Variants in POLR3A observed in about 807,000 individuals in gnomAD.
The protein encoded by POLR3A is RNA polymerase III subunit A, also known as DNA-directed RNA polymerase III subunit RPC1.
In POLR3A, 112 loss-of-function variants were observed where a neutral mutation model predicts 152.8. The observed-to-expected ratio is 0.73, with a 90% CI of 0.63 to 0.86. The LOEUF (loss-of-function observed/expected upper bound fraction) is 0.86, where lower values mean the gene tolerates loss of function less well. Ranked by LOEUF, POLR3A falls within the 40% of genes least tolerant of loss-of-function variation. The pLI, the probability that POLR3A is intolerant of heterozygous loss-of-function variation, is 0.00. For missense variants in POLR3A, 1,385 were observed against 1,743.1 expected, an observed-to-expected ratio of 0.79 and a Z score of 3.66; for synonymous variants, 615 against 652.1, an observed-to-expected ratio of 0.94 and a Z score of 0.87.
At chr10:78,026,827 C>T (rs1173159847) in intron 1 of POLR3A, among the ~76,000 whole-genome samples, 3 of 152,204 alleles carry the variant, frequency 2.0e-5, no homozygotes, top group Non-Finnish European at 4.4e-5. Flanking sequence ...TAGACACCTC[C>T]TCCTGGACAG....
At chr10:77,986,781 A>G (rs186594875) in intron 21 of POLR3A, among the ~76,000 whole-genome samples, 156 of 152,264 alleles carry the variant, frequency 1.0e-3, no homozygotes, top group African/African-American at 3.7e-3. Flanking sequence ...ATTCCTGGAA[A>G]CCATTGTCAA....
In POLR3A at chr10:77,986,135, C is replaced by A; in HGVS notation, c.2926G>T (p.Val976Phe). 6.3e-7 allele frequency: 1 copy of A among 1,577,392 alleles called. No individual in the cohort carries two copies. The highest frequency in any genetic ancestry group is 8.7e-7 in the Non-Finnish European group (1 of 1,146,592). ...CTGGTTTTCTTGATCTTCTCAGAGA[C>A]CCCCTTAATGAATTTTTTTATTTCC... The part of the protein sequence containing the change: ...LQEIKKFIKG[V>F]SEKIKKTRDK... The change falls in exon 22 of 31, where the codon GTC (valine) becomes TTC (phenylalanine). Residue 976 changes from valine to phenylalanine, a missense_variant. This residue lies in a region of POLR3A where 178 missense variants were observed against 204.6 expected (regional missense o/e 0.87). Transcript: ENST00000372371.
rs1009093854 is a variant in POLR3A at position 77,982,301 on chromosome 10, AATG to A, written c.3609_3611del (p.Ile1204del). On this transcript the variant is annotated inframe_deletion, in exon 28 of 31. Coordinates refer to ENST00000372371, the MANE Select transcript of POLR3A (RefSeq NM_007055.4). Reference sequence around the variant, plus strand: ...GGATGACAGCTCTGGACACCTCTGGAATGCCCTGCACCACCACCTGGATTCAGA... The same window carrying A: ...GGATGACAGCTCTGGACACCTCTGGACCCTGCACCACCACCTGGATTCAGA... The A allele has an allele frequency of 2.5e-6, 4 of 1,613,866 alleles. No individual in the cohort carries two copies. Among genetic ancestry groups the A allele is most frequent in the Non-Finnish European group, 3.4e-6 (4 of 1,179,984 alleles).
At chr10:78,000,839 T>C (rs1220774327) in intron 18 of POLR3A, 137 bp downstream of exon 18, 1 of 654,138 alleles carries the variant, frequency 1.5e-6, no homozygotes, top group Non-Finnish European at 2.9e-6. Context: ...TGTATCTTAA[T>C]AAAATGGCAA....
chr10:78,008,249 A>C (rs1048123485), intron 14 of POLR3A, among the ~76,000 whole-genome samples: 3 of 152,228 alleles, frequency 2.0e-5, no homozygotes, highest in African/African-American at 7.2e-5. Context: ...TACTCATATA[A>C]GATATTAAAT....
In POLR3A at chr10:77,993,256, C is replaced by T. The variant is rs1012934044; in HGVS notation, c.2728G>A (p.Ala910Thr). Residue 910 changes from alanine to threonine, a missense_variant, in exon 20 of 31, where the codon GCA becomes ACA. By Grantham distance (58) the Ala-to-Thr change is moderately conservative. Transcript: ENST00000372371. ...FIYGGDGLDP[A>T]AMEGKDEPLE... ...GGTTCATCTTTTCCCTCCATAGCTGCAGGATCTAAGCCATCTCCTCCATAA... is the reference window on the plus strand; with the variant it reads ...GGTTCATCTTTTCCCTCCATAGCTGTAGGATCTAAGCCATCTCCTCCATAA... 6.2e-7 allele frequency: 1 copy of T among 1,613,464 alleles called. No individual in the cohort carries two copies. The highest frequency in any genetic ancestry group is 1.3e-5 in the African/African-American group (1 of 74,916).
At chr10:78,026,314 C>A in intron 1 of POLR3A, 85 bp from the exon 2 acceptor site, 1 of 1,389,050 alleles carries the variant, frequency 7.2e-7, no homozygotes, top group Non-Finnish European at 1.0e-6. Context: ...CATAACCAAC[C>A]TATCCTTCCA....
chr10:77,983,150 G>A (rs1342869214), intron 26 of POLR3A, among the ~76,000 whole-genome samples: 2 of 152,126 alleles, frequency 1.3e-5, no homozygotes, highest in Non-Finnish European at 2.9e-5. Flanking sequence ...AAGCTTCCGT[G>A]GGGCCTCCCC....
chr10:77,982,284 G>GCTCTGGACAC lies in POLR3A; in HGVS notation c.3619_3628dup (p.Ala1210GlyfsTer9). The GCTCTGGACAC allele has an allele frequency of 6.2e-7, 1 of 1,614,016 alleles. No individual in the cohort carries two copies. ...ACTCTGCTCGTCAATGTGGATGACA[G>GCTCTGGACAC]CTCTGGACACCTCTGGAATGCCCTG... is the stretch of plus-strand genomic sequence containing the variant. On this transcript the variant is annotated frameshift_variant, in exon 28 of 31. Transcript: ENST00000372371. LOFTEE classifies it high-confidence loss of function.
rs146522757 is a variant in POLR3A at position 78,005,306 on chromosome 10, C to T, written c.2075-418G>A. Among the ~76,000 whole-genome samples, 1,467 of 152,318 alleles carry T rather than the reference C, an allele frequency of 9.6e-3. 19 individuals are homozygous for T. The highest frequency in any genetic ancestry group is 0.032 in the African/African-American group (1,350 of 41,568). ...GATCCCAGATGTTTGTGATCAGCCT[C>T]ATCTCTACAAAAACCTTAAAAAATT... On this transcript the variant is annotated intron_variant, in intron 15 of 30. Coordinates refer to ENST00000372371, the MANE Select transcript of POLR3A (RefSeq NM_007055.4).
At chr10:77,977,724 G>T in intron 30 of POLR3A, 98 bp from the exon 31 acceptor site, 1 of 982,694 alleles carries the variant, frequency 1.0e-6, no homozygotes, top group Non-Finnish European at 1.6e-6. Context: ...ATTAGGATGT[G>T]AGTCCCAGCG....
At chr10:78,002,766 G>A (rs938129496) in intron 16 of POLR3A, among the ~76,000 whole-genome samples, 1 of 152,082 alleles carries the variant, frequency 6.6e-6, no homozygotes, top group African/African-American at 2.4e-5. Flanking sequence ...TTGAACTCCT[G>A]GCCTCAAGGG....
chr10:78,021,427 C>T (rs2131957987), intron 8 of POLR3A, 119 bp downstream of exon 8: 6 of 969,362 alleles, frequency 6.2e-6, no homozygotes, highest in Non-Finnish European at 9.7e-6. Context: ...TCATATAAAC[C>T]AAACTGTGGG....
At chr10:78,025,930 C>T (rs546276257) in intron 2 of POLR3A, among the ~76,000 whole-genome samples, 164 bp downstream of exon 2, 2 of 152,306 alleles carry the variant, frequency 1.3e-5, no homozygotes, top group African/African-American at 4.8e-5. Context: ...GACTCAGAAT[C>T]GAATCAGGTT....
At chr10:77,992,763 C>T (rs184031427) in intron 20 of POLR3A, among the ~76,000 whole-genome samples, 2 of 152,190 alleles carry the variant, frequency 1.3e-5, no homozygotes, top group East Asian at 1.9e-4. Context: ...TGACCTCAAA[C>T]TTCTCGCCTC....
rs376597422 is a variant in POLR3A, at chr10:77,982,137, C to T, written c.3759+17G>A. 217 of 1,612,784 alleles carry T rather than the reference C, an allele frequency of 1.3e-4. No homozygotes were observed. Among genetic ancestry groups the T allele is most frequent in the South Asian group, 4.1e-4 (37 of 91,064 alleles). The stretch of plus-strand genomic sequence containing the variant: ...AGACAGCCTAACCCTAAGGCGACCC[C>T]GTGGGCTGAGTGGTACCTCATAGGT... On this transcript the variant is annotated intron_variant, in intron 28 of 30. Transcript: ENST00000372371.
rs752701968 is a variant in POLR3A, at chr10:77,977,541, C to T, written c.4110G>A (p.Pro1370=). 16 of 1,613,950 alleles carry T rather than the reference C, an allele frequency of 9.9e-6. No individual in the cohort carries two copies. Among genetic ancestry groups the T allele is most frequent in the Admixed American group, 3.3e-5 (2 of 60,000 alleles). The part of the protein sequence containing the change: ...FKLLHKADRD[P]NPPKRPLIFD... ...AGATCAGGGGCCTCTTGGGAGGGTT[C>T]GGGTCCCTGTCAGCCTTGTGAAGCA... The change falls in exon 31 of 31, where the codon CCG becomes CCA. Residue 1370 remains proline, a synonymous_variant. Transcript: ENST00000372371.
chr10:78,003,824 A>T (rs1847383359), intron 16 of POLR3A, among the ~76,000 whole-genome samples: 1 of 151,990 alleles, frequency 6.6e-6, no homozygotes, highest in Admixed American at 6.6e-5. Flanking sequence ...GCTACTTAGG[A>T]TGTTGAGGCA....
At chr10:78,022,536 C>G in intron 5 of POLR3A, 152 bp from the exon 6 acceptor site, 1 of 815,046 alleles carries the variant, frequency 1.2e-6, no homozygotes, top group South Asian at 1.7e-5. Context: ...GCTGCAAGAG[C>G]CTTAAAATTG....
Sources: gnomAD v4.1 joint callset for allele counts (sites outside exome capture counted in the v4.1 genomes callset) on GRCh38, gnomAD v4.1.1 for gene constraint, gnomAD v4.1.1 regional missense constraint, MANE v1.5 for transcripts, NCBI Gene and HGNC (gene_info 2026-07-23, HGNC 2026-07-21) for gene names.